Variants in FOXP1 observed in about 807,000 individuals in gnomAD.
The protein encoded by FOXP1 is forkhead box P1.
FOXP1 carries 15 observed loss-of-function variants against 98.2 expected under a neutral mutation model. The observed-to-expected ratio is 0.15, with a 90% CI of 0.10 to 0.24. The LOEUF (loss-of-function observed/expected upper bound fraction) is 0.24, where lower values mean the gene tolerates loss of function less well. Ranked by LOEUF, FOXP1 falls within the 10% of genes least tolerant of loss-of-function variation. The pLI is 1.00. For synonymous variants in FOXP1, 371 were observed against 314.5 expected (o/e 1.18, Z -1.90); for missense variants, 633 against 848.5 (o/e 0.75, Z 3.15).
intron 2 of FOXP1, among the ~76,000 whole-genome samples, chr3:71,538,879 T>A (rs564237747): frequency 1.3e-5 from 2 of 152,272 alleles, no homozygotes; most frequent in East Asian, 3.9e-4. Context: ...AACTACATTC[T>A]TTTGCACGTG....
chr3:71,333,768 G>A (rs1179362620), intron 4 of FOXP1: 1 of 151,944 alleles, frequency 6.6e-6, no homozygotes, highest in Non-Finnish European at 1.5e-5. Flanking sequence ...AGGTTGCAGT[G>A]AGCTGAAATG....
chr3:71,161,251 A>G (rs1024207260), intron 6 of FOXP1, among the ~76,000 whole-genome samples: 1 of 152,154 alleles, frequency 6.6e-6, no homozygotes, highest in South Asian at 2.1e-4. Flanking sequence ...AATTCTGGGG[A>G]TTGGCTGGGC....
At chr3:71,568,690 A>C (rs920531828) in intron 2 of FOXP1, among the ~76,000 whole-genome samples, 1 of 151,408 alleles carries the variant, frequency 6.6e-6, no homozygotes, top group Middle Eastern at 3.4e-3. Context: ...TCTGTCACCC[A>C]GGCTGGAGTG....
chr3:71,448,299 T>G (rs2086637108), intron 3 of FOXP1, among the ~76,000 whole-genome samples: 1 of 152,316 alleles, frequency 6.6e-6, no homozygotes, highest in East Asian at 1.9e-4. Context: ...TCCTGCTCCA[T>G]TAAGTCTGCG....
intron 3 of FOXP1, among the ~76,000 whole-genome samples, chr3:71,440,459 C>T (rs545527511): frequency 6.6e-6 from 1 of 151,988 alleles, no homozygotes; most frequent in African/African-American, 2.4e-5. Context: ...GGGCAGATCA[C>T]GAGGTCAGGA....
intron 3 of FOXP1, among the ~76,000 whole-genome samples, chr3:71,403,498 G>A (rs924651948): frequency 4.6e-5 from 7 of 152,242 alleles, no homozygotes; most frequent in South Asian, 4.1e-4. Flanking sequence ...GTGTGTGCGC[G>A]TGCATGCACG....
At chr3:71,018,798 A>G (rs546891539) in intron 11 of FOXP1, among the ~76,000 whole-genome samples, 1 of 152,316 alleles carries the variant, frequency 6.6e-6, no homozygotes, top group East Asian at 1.9e-4. Context: ...AGTTTTCACC[A>G]TACTTCTTAC....
intron 3 of FOXP1, among the ~76,000 whole-genome samples, chr3:71,397,222 C>T (rs1249024950): frequency 2.7e-5 from 4 of 150,582 alleles, no homozygotes; most frequent in Non-Finnish European, 5.9e-5. Context: ...AAGTGGCAGT[C>T]CCTGGAATTG....
chr3:71,571,806 T>C (rs1055119287), intron 2 of FOXP1: 1 of 152,244 alleles, frequency 6.6e-6, no homozygotes, highest in African/African-American at 2.4e-5. Flanking sequence ...TCCCCGATTA[T>C]ACCACTGATT....
chr3:71,487,324 T>C (rs1177753049), intron 3 of FOXP1, among the ~76,000 whole-genome samples: 3 of 152,218 alleles, frequency 2.0e-5, no homozygotes, highest in African/African-American at 7.2e-5. Context: ...CTTCCCAGTG[T>C]TGGGATTACG....
At chr3:71,352,662 T>C (rs1560356098) in intron 4 of FOXP1, among the ~76,000 whole-genome samples, 1 of 152,010 alleles carries the variant, frequency 6.6e-6, no homozygotes. Context: ...AGTTAATAAA[T>C]ATCAAAGGCT....
intron 14 of FOXP1, among the ~76,000 whole-genome samples, chr3:70,979,162 G>T (rs1464594628): frequency 6.6e-6 from 1 of 150,988 alleles, no homozygotes; most frequent in Non-Finnish European, 1.5e-5. Context: ...CATGCCTGTA[G>T]TCCCAGCTAC....
chr3:71,028,984 G>A (rs763071916), intron 11 of FOXP1, among the ~76,000 whole-genome samples: 2 of 152,166 alleles, frequency 1.3e-5, no homozygotes, highest in Non-Finnish European at 2.9e-5. Context: ...GAGCGATGGG[G>A]AGCGGCTGTA....
chr3:71,302,963 T>C (rs1002675918), intron 4 of FOXP1: 1 of 152,182 alleles, frequency 6.6e-6, no homozygotes, highest in Non-Finnish European at 1.5e-5. Flanking sequence ...TTGCAGTATT[T>C]CAATATCATA....
chr3:71,580,996 A>T, intron 2 of FOXP1: 2 of 984,860 alleles, frequency 2.0e-6, no homozygotes, highest in Non-Finnish European at 2.4e-6. Flanking sequence ...CATAAGGTCA[A>T]ATGCAACCAA....
chr3:70,974,229 T>C (rs184865459), intron 17 of FOXP1, among the ~76,000 whole-genome samples: 15 of 152,232 alleles, frequency 9.9e-5, no homozygotes, highest in Non-Finnish European at 2.1e-4. Flanking sequence ...CCGAAAACAT[T>C]TGGCATGTCA....
At chr3:71,354,658 A>G (rs2078034956) in intron 4 of FOXP1, among the ~76,000 whole-genome samples, 2 of 152,254 alleles carry the variant, frequency 1.3e-5, no homozygotes, top group Admixed American at 6.5e-5. Context: ...GTTCTTTGCC[A>G]TCTTTGCCAC....
intron 5 of FOXP1, chr3:71,289,443 T>A (rs2072521165): frequency 6.7e-6 from 1 of 148,686 alleles, no homozygotes; most frequent in Non-Finnish European, 1.5e-5. Flanking sequence ...AGCCTCAAAC[T>A]CCTGGACTGA....
At chr3:71,162,605 C>G (rs933342825) in intron 6 of FOXP1, among the ~76,000 whole-genome samples, 2 of 152,176 alleles carry the variant, frequency 1.3e-5, no homozygotes, top group African/African-American at 4.8e-5. Flanking sequence ...CTTATTGGAA[C>G]TTACATTCAG....
Sources: allele counts gnomAD v4.1 joint callset (sites outside exome capture counted in the v4.1 genomes callset), GRCh38; gene constraint gnomAD v4.1.1; transcripts MANE v1.5; gene names NCBI Gene and HGNC (gene_info 2026-07-23, HGNC 2026-07-21).